Variants in FGF13 observed in about 807,000 individuals in gnomAD.
The protein encoded by FGF13 is fibroblast growth factor homologous factor 2.
A neutral mutation model predicts 19.5 loss-of-function variants in FGF13; 2 were observed. That is an observed-to-expected ratio of 0.10 (90% CI 0.04 to 0.32). FGF13 has a LOEUF of 0.32. FGF13 is among the 10% of genes least tolerant of loss of function. FGF13 has a pLI of 1.00. For synonymous variants in FGF13, 72 were observed against 76.9 expected, an observed-to-expected ratio of 0.94 and a Z score of 0.33; for missense variants, 113 against 192.7, an observed-to-expected ratio of 0.59 and a Z score of 2.45.
At chrX:138,819,372 C>G (rs186770848) in intron 3 of FGF13, among the ~76,000 whole-genome samples, 126 of 111,396 alleles carry the variant, frequency 1.1e-3, no homozygotes, top group African/African-American at 4.1e-3. Flanking sequence ...GAAACATAAA[C>G]TATAAGGCTG....
Position 138,629,813 on chromosome X carries a change from A to AGAAACTCT in FGF13, c.*3029_*3036dup, listed in dbSNP as rs1341569096. 3.3e-4 allele frequency: 37 copies of AGAAACTCT among 111,843 alleles called. No individual in the cohort carries two copies. The highest frequency in any genetic ancestry group is 1.2e-3 in the African/African-American group (36 of 30,702). The allele number at this position is 111,843 out of a possible 1,213,427, so 9.2% of individuals were successfully genotyped here. ...GGGCCCACACAAGACTCACTCAATC[A>AGAAACTCT]GAAACTCTGAAGGTGAAGTCCAGTG... is the stretch of plus-strand genomic sequence containing the variant. On this transcript the variant is annotated 3_prime_UTR_variant, in exon 5 of 5. Transcript: ENST00000315930.
In FGF13 at chrX:138,702,964, G is replaced by A. The variant is rs776428846; in HGVS notation, c.402+20C>T. On this transcript the variant is annotated intron_variant, in intron 3 of 4. Coordinates refer to ENST00000315930, the MANE Select transcript of FGF13 (RefSeq NM_004114.5). The stretch of plus-strand genomic sequence containing the variant: ...ATGAAAACTAGAATAGTCAAAACAT[G>A]CACACAGTCAAAAGCTTACCGAGGT... 19 of 1,102,587 alleles carry A rather than the reference G, an allele frequency of 1.7e-5. No homozygotes were observed. Among genetic ancestry groups the A allele is most frequent in the Non-Finnish European group, 2.3e-5 (18 of 797,909 alleles). 90.9% of individuals were successfully genotyped at this position (1,102,587 alleles called of 1,213,427 possible).
chrX:138,680,890 G>A (rs2089721153), intron 3 of FGF13, among the ~76,000 whole-genome samples: 1 of 110,978 alleles, frequency 9.0e-6, no homozygotes, highest in Admixed American at 9.7e-5. Flanking sequence ...AAATCTGTAT[G>A]GCCGAGCGTG....
intron 1 of FGF13, among the ~76,000 whole-genome samples, chrX:139,176,288 C>A (rs1016620512): frequency 7.3e-5 from 8 of 110,282 alleles, no homozygotes; most frequent in Non-Finnish European, 1.5e-4. Flanking sequence ...TGATTCTTCT[C>A]TCTTTTCTTC....
At chrX:138,820,113 AAAAG>A (rs1162105421) in intron 3 of FGF13, among the ~76,000 whole-genome samples, 14 of 112,277 alleles carry the variant, frequency 1.2e-4, no homozygotes, top group African/African-American at 4.5e-4. Flanking sequence ...GTATTAAACA[AAAAG>A]AATGAAGGTG....
At chrX:139,070,929 T>C (rs747559128) in intron 1 of FGF13, among the ~76,000 whole-genome samples, 1 of 109,719 alleles carries the variant, frequency 9.1e-6, no homozygotes, top group African/African-American at 3.3e-5. Flanking sequence ...TAAGTGGGAG[T>C]TGAACAATGA....
chrX:138,742,446 G>A (rs1489894358), upstream of FGF13, among the ~76,000 whole-genome samples: 2 of 110,440 alleles, frequency 1.8e-5, no homozygotes, highest in African/African-American at 3.3e-5. Flanking sequence ...ACCACATGGC[G>A]CTGTGTCATT....
rs761780643 is a variant in FGF13, at chrX:138,867,376, GCCA to G, written c.-112-2729_-112-2727del. 3.5e-3 allele frequency among the ~76,000 whole-genome samples: 393 copies of G among 111,282 alleles called. 1 individual carries two copies. The highest frequency in any genetic ancestry group is 5.8e-3 in the Admixed American group (61 of 10,482). On this transcript the variant is annotated intron_variant, in intron 1 of 2. Transcript: ENST00000421460. The stretch of plus-strand genomic sequence containing the variant: ...CGAGGCTGCAGTGACCTATGATTGT[GCCA>G]CCCTACTCAAACCTGGGTGACAAAG...
chrX:138,784,330 TA>T (rs772828534), intron 3 of FGF13, among the ~76,000 whole-genome samples: 2,148 of 91,869 alleles, frequency 0.023, 13 homozygotes, highest in Non-Finnish European at 0.026. Context: ...AAAAAAAAAT[TA>T]AAAAAAAAAA....
chrX:138,844,466 T>G (rs941946968), intron 3 of FGF13, among the ~76,000 whole-genome samples: 1 of 111,904 alleles, frequency 8.9e-6, no homozygotes, highest in Non-Finnish European at 1.9e-5. Context: ...GTTTAACTAT[T>G]TCAGTGATTT....
intron 1 of FGF13, among the ~76,000 whole-genome samples, chrX:138,929,346 C>A (rs2091689789): frequency 9.2e-6 from 1 of 109,126 alleles, no homozygotes; most frequent in Admixed American, 9.9e-5. Flanking sequence ...GTTTATATGA[C>A]CCAAGATGAT....
Position 139,028,276 on chromosome X carries a change from GTT to G in FGF13, c.-112-163628_-112-163627del, listed in dbSNP as rs767493574. Reference sequence around the variant, plus strand: ...CATGGAAGTGCCAAGCTAAAAATAAGTTTGTGAAAACAATGGTATTGAGACTA... The same window carrying G: ...CATGGAAGTGCCAAGCTAAAAATAAGTGTGAAAACAATGGTATTGAGACTA... On this transcript the variant is annotated intron_variant, in intron 1 of 2. Transcript: ENST00000421460. 3.6e-5 allele frequency among the ~76,000 whole-genome samples: 4 copies of G among 112,002 alleles called. No individual in the cohort carries two copies. The South Asian group carries it at 1.5e-3, about 42-fold the overall frequency.
chrX:138,789,935 C>G (rs1275002516), intron 3 of FGF13, among the ~76,000 whole-genome samples: 2 of 100,778 alleles, frequency 2.0e-5, no homozygotes, highest in Non-Finnish European at 4.0e-5. Flanking sequence ...GTCTCAGGTA[C>G]TCGGGAGGCT....
At chrX:138,920,000 G>A (rs2124240942) in intron 1 of FGF13, among the ~76,000 whole-genome samples, 1 of 111,122 alleles carries the variant, frequency 9.0e-6, no homozygotes, top group Non-Finnish European at 1.9e-5. Context: ...GCAATCTTCT[G>A]TGAATTTATA....
At chrX:138,651,383 TC>T (rs760976276) in intron 3 of FGF13, among the ~76,000 whole-genome samples, 92 of 112,290 alleles carry the variant, frequency 8.2e-4, no homozygotes, top group African/African-American at 2.7e-3. Context: ...GAAAATAATT[TC>T]AGACTACACA....
chrX:138,960,562 C>T (rs1305969450), intron 1 of FGF13, among the ~76,000 whole-genome samples: 1 of 111,760 alleles, frequency 8.9e-6, no homozygotes, highest in Non-Finnish European at 1.9e-5. Context: ...GCCTGCCTTG[C>T]TAGGTTGGGG....
At chrX:138,645,172 T>C (rs1263301473) in intron 3 of FGF13, among the ~76,000 whole-genome samples, 1 of 112,154 alleles carries the variant, frequency 8.9e-6, no homozygotes, top group East Asian at 2.8e-4. Flanking sequence ...TGCTTTACTC[T>C]TGAAGGCACC....
chrX:138,812,574 C>CAG (rs779041631), intron 3 of FGF13, among the ~76,000 whole-genome samples: 3 of 111,468 alleles, frequency 2.7e-5, no homozygotes, highest in Admixed American at 1.9e-4. Context: ...CCTACCTCTC[C>CAG]ATTCCTGATG....
intron 3 of FGF13, among the ~76,000 whole-genome samples, chrX:138,698,477 C>T (rs745549358): frequency 8.1e-5 from 9 of 111,637 alleles, no homozygotes; most frequent in Admixed American, 4.8e-4. Context: ...AACAGAAAAA[C>T]ATTGGTATCA....
Sources: allele counts gnomAD v4.1 joint callset (sites outside exome capture counted in the v4.1 genomes callset), GRCh38; gene constraint gnomAD v4.1.1; transcripts MANE v1.5; gene names NCBI Gene and HGNC (gene_info 2026-07-23, HGNC 2026-07-21).